The following COPRS variants were observed in gnomAD, a reference collection of about 807,000 sequenced individuals.
The protein encoded by COPRS is cooperator of PRMT5.
A neutral mutation model predicts 19.9 loss-of-function variants in COPRS; 11 were observed. The observed-to-expected ratio is 0.55, with a 90% CI of 0.35 to 0.92. The LOEUF is 0.92. Ranked by LOEUF, COPRS falls within the 40% of genes least tolerant of loss-of-function variation. The pLI, the probability that COPRS is intolerant of heterozygous loss-of-function variation, is 0.01. For missense variants in COPRS, 225 were observed against 229.9 expected (o/e 0.98, Z 0.14); for synonymous variants, 81 against 82.7 (o/e 0.98, Z 0.11).
intron 1 of COPRS, among the ~76,000 whole-genome samples, chr17:31,857,676 G>A (rs75466389): frequency 0.091 from 13,790 of 152,154 alleles, 689 homozygotes; most frequent in East Asian, 0.17. Context: ...TTTGATCCCA[G>A]CTCTGCCATC....
At chr17:31,856,705 G>C (rs775158509) in intron 2 of COPRS, 94 bp downstream of exon 2, 8 of 839,458 alleles carry the variant, frequency 9.5e-6, no homozygotes, top group African/African-American at 3.4e-5. Flanking sequence ...GCAGCAGAGA[G>C]GACTGGCTAA....
intron 3 of COPRS, among the ~76,000 whole-genome samples, 154 bp from the exon 4 acceptor site, chr17:31,852,462 T>A (rs1438142799): frequency 6.6e-6 from 1 of 152,144 alleles, no homozygotes; most frequent in African/African-American, 2.4e-5. Context: ...GAATTGTAAA[T>A]GCGTTCATTC....
intron 2 of COPRS, among the ~76,000 whole-genome samples, chr17:31,854,402 T>A (rs572370837): frequency 1.6e-4 from 24 of 146,128 alleles, no homozygotes; most frequent in South Asian, 6.5e-4. Flanking sequence ...GAGCTGAAAT[T>A]TACTTAACTA....
intron 2 of COPRS, among the ~76,000 whole-genome samples, chr17:31,856,352 G>C (rs1487391631): frequency 6.6e-6 from 1 of 152,040 alleles, no homozygotes; most frequent in East Asian, 1.9e-4. Context: ...AAGATATTTT[G>C]AGAGAGAACA....
intron 2 of COPRS, among the ~76,000 whole-genome samples, chr17:31,854,587 A>C (rs1234970545): frequency 6.6e-6 from 1 of 152,224 alleles, no homozygotes; most frequent in Non-Finnish European, 1.5e-5. Flanking sequence ...ATGAATGGAA[A>C]AACAAAATGT....
At chr17:31,854,485 G>A (rs541381284) in intron 2 of COPRS, among the ~76,000 whole-genome samples, 2 of 150,086 alleles carry the variant, frequency 1.3e-5, no homozygotes, top group African/African-American at 2.5e-5. Context: ...CAAAAGAACT[G>A]AAAACAGCTG....
chr17:31,851,959 C>T lies in COPRS; in HGVS notation c.*180G>A, dbSNP rs1909176881. 4 of 622,044 alleles carry T rather than the reference C, an allele frequency of 6.4e-6. No homozygotes were observed. The highest frequency in any genetic ancestry group is 6.0e-5 in the South Asian group (3 of 50,156). The allele number at this position is 622,044 out of a possible 1,614,324, so 38.5% of individuals were successfully genotyped here. A position where few individuals can be genotyped will look rare whatever the true frequency, so the allele number is the denominator to read the frequency against. On this transcript the variant is annotated 3_prime_UTR_variant, in exon 4 of 4. Transcript: ENST00000302362. ...TCAAGGAGGAGCCCATTAAGAACAA[C>T]AACAGACTGGCGAGAATGACGGGGC... is the stretch of plus-strand genomic sequence containing the variant.
intron 1 of COPRS, chr17:31,858,861 C>G: frequency 6.5e-7 from 1 of 1,545,054 alleles, no homozygotes; most frequent in Non-Finnish European, 8.7e-7. Context: ...GGACAGCCGT[C>G]TCTGCTGACC....
chr17:31,853,622 C>T (rs1298189988), intron 2 of COPRS, among the ~76,000 whole-genome samples: 2 of 152,172 alleles, frequency 1.3e-5, no homozygotes, highest in Non-Finnish European at 2.9e-5. Context: ...CCTTGTGATC[C>T]ACCCGCCTCG....
intron 2 of COPRS, chr17:31,856,543 G>T: frequency 2.0e-6 from 1 of 499,676 alleles, no homozygotes; most frequent in East Asian, 4.0e-5. Context: ...GGAATAAGGT[G>T]AGACTGCTGT....
intron 1 of COPRS, chr17:31,858,795 T>G: frequency 6.5e-7 from 1 of 1,550,206 alleles, no homozygotes; most frequent in Non-Finnish European, 8.7e-7. Context: ...GGGCCCCGGC[T>G]CTCGGTCACC....
intron 2 of COPRS, among the ~76,000 whole-genome samples, chr17:31,854,355 CAAAAAAAAAAAAAAAA>C (rs34371712): frequency 1.7e-4 from 8 of 46,432 alleles, no homozygotes; most frequent in Non-Finnish European, 2.6e-4. Context: ...ACCCTGTCTC[CAAAAAAAAAAAAAAAA>C]AAAAAAAAAA....
intron 1 of COPRS, 155 bp downstream of exon 1, chr17:31,858,946 C>G (rs1909448416): frequency 2.1e-6 from 3 of 1,428,364 alleles, no homozygotes; most frequent in Admixed American, 2.9e-5. Flanking sequence ...GTTTTCAGCT[C>G]GAGCGCGAGC....
In COPRS at chr17:31,855,994, CA is replaced by C. The variant is rs71142093; in HGVS notation, c.166+804del. Among the ~76,000 whole-genome samples the C allele has an allele frequency of 1.8e-3, 245 of 132,960 alleles. 1 individual carries two copies. The highest frequency in any genetic ancestry group is 6.4e-3 in the African/African-American group (221 of 34,448). 87.2% of individuals were successfully genotyped at this position (132,960 alleles called of 152,430 possible). A position where few individuals can be genotyped will look rare whatever the true frequency, so the allele number is the denominator to read the frequency against. On this transcript the variant is annotated intron_variant, in intron 2 of 3. Coordinates refer to ENST00000302362, the MANE Select transcript of COPRS (RefSeq NM_018405.4). The stretch of plus-strand genomic sequence containing the variant: ...GGGCAACAAGAGCAAAACTCCCTCT[CA>C]AAAAAAAAAAAAAACGGCAGGGGGC...
intron 2 of COPRS, among the ~76,000 whole-genome samples, chr17:31,855,245 C>A (rs1237452181): frequency 2.0e-5 from 3 of 152,118 alleles, no homozygotes; most frequent in East Asian, 3.9e-4. Flanking sequence ...GGAGCAGTGG[C>A]TCACGCCTGT....
Position 31,859,085 on chromosome 17 carries a change from C to G in COPRS, c.99+16G>C. On this transcript the variant is annotated intron_variant, in intron 1 of 3. Coordinates refer to ENST00000302362, the MANE Select transcript of COPRS (RefSeq NM_018405.4). ...CTGCGGCTGGCTGTTGCTCCTGGCC[C>G]CCACGCGGCGCTCACCTCCGGGCTG... 1 of 1,128,900 alleles carries G rather than the reference C, an allele frequency of 8.9e-7. No homozygotes were observed. The allele number at this position is 1,128,900 out of a possible 1,614,324, so 69.9% of individuals were successfully genotyped here.
intron 1 of COPRS, 198 bp downstream of exon 1, chr17:31,858,903 C>T: frequency 6.6e-7 from 1 of 1,507,514 alleles, no homozygotes; most frequent in South Asian, 1.3e-5. Context: ...CGGCTTTCCC[C>T]GCCCCGCAGC....
chr17:31,857,088 C>T (rs555172987), intron 1 of COPRS, among the ~76,000 whole-genome samples: 4 of 152,292 alleles, frequency 2.6e-5, no homozygotes, highest in African/African-American at 9.6e-5. Context: ...CATGACACTT[C>T]ACCGTGGCAG....
In COPRS at chr17:31,852,800, C is replaced by T. The variant is rs1484421061; in HGVS notation, c.385+12G>A. On this transcript the variant is annotated intron_variant, in intron 3 of 3. Transcript: ENST00000302362. ...AGGCCTAGTTCAGGACCCCCAGAGA[C>T]TCCACACCTACCATATGGATTCCCT... 2.5e-6 allele frequency: 4 copies of T among 1,600,630 alleles called. No homozygotes were observed. In the African/African-American group the frequency reaches 4.0e-5, roughly 16 times the overall value.
Sources: allele counts gnomAD v4.1 joint callset (sites outside exome capture counted in the v4.1 genomes callset), GRCh38; gene constraint gnomAD v4.1.1; transcripts MANE v1.5; gene names NCBI Gene and HGNC (gene_info 2026-07-23, HGNC 2026-07-21).